CCDC60: variants seen among roughly 807,000 people sequenced by gnomAD.
The protein encoded by CCDC60 is coiled-coil domain-containing protein 60.
Under a neutral mutation model 63.5 loss-of-function variants are expected in CCDC60, and 54 were observed. That is an observed-to-expected ratio of 0.85 (90% CI 0.68 to 1.07). The LOEUF (loss-of-function observed/expected upper bound fraction) is 1.07, where lower values mean the gene tolerates loss of function less well. CCDC60 is among the 50% of genes least tolerant of loss of function. The probability of loss-of-function intolerance (pLI) is 0.00; values close to 1 mark genes in which losing one functional copy is unlikely to be tolerated. For missense variants in CCDC60, 651 were observed against 684.3 expected, an observed-to-expected ratio of 0.95 and a Z score of 0.54; for synonymous variants, 206 against 238.8, an observed-to-expected ratio of 0.86 and a Z score of 1.27.
At chr12:119,353,761 C>A (rs1955686715) in intron 1 of CCDC60, among the ~76,000 whole-genome samples, 1 of 152,066 alleles carries the variant, frequency 6.6e-6, no homozygotes, top group Admixed American at 6.5e-5. Flanking sequence ...GTGCCCACCA[C>A]CACACCCAGA....
intron 1 of CCDC60, among the ~76,000 whole-genome samples, chr12:119,395,393 A>T (rs1312167325): frequency 6.6e-6 from 1 of 152,210 alleles, no homozygotes; most frequent in African/African-American, 2.4e-5. Context: ...GGCCTCAGGA[A>T]ACTTATAACC....
chr12:119,350,362 T>C (rs1046914113), intron 1 of CCDC60, among the ~76,000 whole-genome samples: 3 of 152,024 alleles, frequency 2.0e-5, no homozygotes, highest in African/African-American at 7.2e-5. Context: ...AACACCCAGC[T>C]AATTTTTTTG....
intron 1 of CCDC60, among the ~76,000 whole-genome samples, chr12:119,376,048 G>C (rs1303897067): frequency 6.6e-6 from 1 of 152,172 alleles, no homozygotes; most frequent in Non-Finnish European, 1.5e-5. Flanking sequence ...TGTGGCTGTT[G>C]GAAGAGAGCC....
intron 1 of CCDC60, among the ~76,000 whole-genome samples, chr12:119,336,941 A>G (rs969183555): frequency 6.6e-6 from 1 of 152,170 alleles, no homozygotes; most frequent in African/African-American, 2.4e-5. Context: ...CTTTGCATGG[A>G]CTGGCCAAGG....
At chr12:119,368,553 G>A (rs1304821910) in intron 1 of CCDC60, among the ~76,000 whole-genome samples, 5 of 152,120 alleles carry the variant, frequency 3.3e-5, no homozygotes, top group Non-Finnish European at 7.3e-5. Flanking sequence ...AAAGAATTAC[G>A]CCTTCCGACT....
intron 1 of CCDC60, among the ~76,000 whole-genome samples, chr12:119,412,909 A>G (rs886516010): frequency 1.2e-4 from 18 of 151,752 alleles, no homozygotes; most frequent in Non-Finnish European, 2.6e-4. Flanking sequence ...CAGAATGACT[A>G]CTCGTGGGTA....
intron 2 of CCDC60, among the ~76,000 whole-genome samples, chr12:119,470,631 G>C (rs1477020186): frequency 1.3e-5 from 2 of 152,156 alleles, no homozygotes; most frequent in African/African-American, 4.8e-5. Flanking sequence ...ATGGCAGCTG[G>C]CTGGGAATAT....
intron 1 of CCDC60, among the ~76,000 whole-genome samples, chr12:119,341,570 TACTG>T (rs1955533007): frequency 6.6e-6 from 1 of 152,172 alleles, no homozygotes; most frequent in Non-Finnish European, 1.5e-5. Flanking sequence ...GCATGTGAAA[TACTG>T]AGCACGATAC....
In CCDC60 at chr12:119,446,441, C is replaced by T. The variant is rs985800141; in HGVS notation, c.170+17679C>T. On this transcript the variant is annotated intron_variant, in intron 2 of 13. Transcript: ENST00000327554. ...ACAATATATGCTCAAGGGTGAATGT[C>T]GCCACAATTTGTAGAGTACAATGTC... is the stretch of plus-strand genomic sequence containing the variant. 2.6e-5 allele frequency among the ~76,000 whole-genome samples: 4 copies of T among 152,276 alleles called. No homozygotes were observed. The East Asian group carries it at 7.7e-4, about 29-fold the overall frequency.
At chr12:119,447,514 G>C (rs550884623) in intron 2 of CCDC60, among the ~76,000 whole-genome samples, 2 of 152,076 alleles carry the variant, frequency 1.3e-5, no homozygotes, top group Admixed American at 6.5e-5. Flanking sequence ...GAAATTGTTG[G>C]TGTGCCCTGG....
intron 1 of CCDC60, among the ~76,000 whole-genome samples, chr12:119,355,715 G>T (rs188122576): frequency 6.6e-6 from 1 of 152,246 alleles, no homozygotes; most frequent in South Asian, 2.1e-4. Flanking sequence ...TGTGCCACGA[G>T]TAGCAGCTCA....
intron 1 of CCDC60, among the ~76,000 whole-genome samples, chr12:119,404,171 T>C (rs1956443221): frequency 6.6e-6 from 1 of 152,164 alleles, no homozygotes; most frequent in African/African-American, 2.4e-5. Flanking sequence ...ATGCCTGTAA[T>C]CTCAGCTACT....
chr12:119,370,031 T>C (rs978310025), intron 1 of CCDC60, among the ~76,000 whole-genome samples: 1 of 152,128 alleles, frequency 6.6e-6, no homozygotes. Context: ...TACCTCCCTA[T>C]CAAACACAAG....
intron 2 of CCDC60, among the ~76,000 whole-genome samples, chr12:119,444,657 T>C (rs1950507131): frequency 6.6e-6 from 1 of 152,176 alleles, no homozygotes; most frequent in Non-Finnish European, 1.5e-5. Flanking sequence ...GGTGGCGCTG[T>C]ACAAAAACAG....
chr12:119,535,129 T>C (rs1068747), intron 13 of CCDC60, among the ~76,000 whole-genome samples: 30,081 of 152,164 alleles, frequency 0.2, 3,758 homozygotes, highest in East Asian at 0.52. Flanking sequence ...AATTTCTTCC[T>C]GGTTTAGTCT....
chr12:119,502,902 T>C (rs473100), intron 6 of CCDC60, among the ~76,000 whole-genome samples: 20,104 of 152,162 alleles, frequency 0.13, 1,488 homozygotes, highest in African/African-American at 0.19. Context: ...GGCACAGTGG[T>C]TTACACCTAT....
At chr12:119,423,979 C>T (rs972643066) in intron 1 of CCDC60, among the ~76,000 whole-genome samples, 9 of 152,046 alleles carry the variant, frequency 5.9e-5, no homozygotes, top group African/African-American at 1.7e-4. Context: ...ACATGAAAAA[C>T]GCTATTATTT....
intron 2 of CCDC60, among the ~76,000 whole-genome samples, chr12:119,430,788 A>C (rs1950215936): frequency 6.6e-6 from 1 of 152,124 alleles, no homozygotes; most frequent in Non-Finnish European, 1.5e-5. Flanking sequence ...TTCAGCTTCC[A>C]GCCTCTAGAA....
intron 1 of CCDC60, among the ~76,000 whole-genome samples, chr12:119,425,080 G>A (rs1402255151): frequency 6.6e-6 from 1 of 152,200 alleles, no homozygotes; most frequent in Non-Finnish European, 1.5e-5. Flanking sequence ...TAAAATTTAG[G>A]ATGTTTAGGA....
Sources: gnomAD v4.1 joint callset for allele counts (sites outside exome capture counted in the v4.1 genomes callset) on GRCh38, gnomAD v4.1.1 for gene constraint, MANE v1.5 for transcripts, NCBI Gene and HGNC (gene_info 2026-07-23, HGNC 2026-07-21) for gene names.